Variants in CSMD1 observed in about 807,000 individuals in gnomAD.
The protein encoded by CSMD1 is CUB and sushi domain-containing protein 1.
CSMD1 carries 213 observed loss-of-function variants against 417.5 expected under a neutral mutation model. The observed-to-expected ratio is 0.51, with a 90% CI of 0.46 to 0.57. CSMD1 has a LOEUF of 0.57. Ranked by LOEUF, CSMD1 falls within the 20% of genes least tolerant of loss-of-function variation. CSMD1 has a pLI of 0.00. For synonymous variants in CSMD1, 2,862 were observed against 1,736.8 expected, an observed-to-expected ratio of 1.65 and a Z score of -16.11; for missense variants, 6,923 against 4,529.7, an observed-to-expected ratio of 1.53 and a Z score of -15.17.
At chr8:4,149,742 C>T (rs1796468163) in intron 3 of CSMD1, among the ~76,000 whole-genome samples, 2 of 152,198 alleles carry the variant, frequency 1.3e-5, no homozygotes, top group Admixed American at 1.3e-4. Flanking sequence ...ACCTCAACTC[C>T]AAGCATCCAG....
intron 12 of CSMD1, among the ~76,000 whole-genome samples, chr8:3,439,494 T>C: frequency 4.4e-5 from 1 of 22,806 alleles, no homozygotes; most frequent in Non-Finnish European, 9.1e-5. Context: ...TGTGTGTATC[T>C]GTGTGTGTGT....
chr8:3,624,460 C>A (rs891754415), intron 7 of CSMD1, among the ~76,000 whole-genome samples: 1 of 152,182 alleles, frequency 6.6e-6, no homozygotes. Flanking sequence ...CACTTTTTAG[C>A]ACGAAGGCAC....
chr8:2,975,724 C>A (rs1454105473), intron 55 of CSMD1, among the ~76,000 whole-genome samples: 1 of 152,132 alleles, frequency 6.6e-6, no homozygotes, highest in East Asian at 1.9e-4. Flanking sequence ...GAAACAATAT[C>A]ACAGCAAAAT....
chr8:3,326,618 G>A (rs894045531), intron 23 of CSMD1, among the ~76,000 whole-genome samples: 7 of 152,326 alleles, frequency 4.6e-5, no homozygotes, highest in Admixed American at 4.6e-4. Context: ...GGAATTGTAT[G>A]TTTGCATTCC....
At chr8:4,077,421 T>C (rs1563093059) in intron 3 of CSMD1, among the ~76,000 whole-genome samples, 1 of 151,562 alleles carries the variant, frequency 6.6e-6, no homozygotes, top group South Asian at 2.1e-4. Flanking sequence ...ATAATTTTTA[T>C]ATGCAATAAT....
intron 12 of CSMD1, among the ~76,000 whole-genome samples, chr8:3,458,376 C>G (rs1393158443): frequency 6.6e-6 from 1 of 152,044 alleles, no homozygotes; most frequent in Non-Finnish European, 1.5e-5. Context: ...TTCATTCATG[C>G]AATATAACTC....
chr8:4,743,750 A>G (rs1001345414), intron 1 of CSMD1, among the ~76,000 whole-genome samples: 3 of 152,204 alleles, frequency 2.0e-5, no homozygotes, highest in Non-Finnish European at 4.4e-5. Flanking sequence ...AATTTTAGGT[A>G]CAGACCTTGA....
intron 52 of CSMD1, among the ~76,000 whole-genome samples, chr8:3,003,350 T>G (rs1807582032): frequency 6.6e-6 from 1 of 152,078 alleles, no homozygotes; most frequent in East Asian, 1.9e-4. Flanking sequence ...ATATCTCTGA[T>G]GTAGTCTTGG....
intron 1 of CSMD1, among the ~76,000 whole-genome samples, chr8:4,952,691 T>A (rs924102212): frequency 6.6e-6 from 1 of 152,084 alleles, no homozygotes; most frequent in Non-Finnish European, 1.5e-5. Flanking sequence ...AAACATGGAA[T>A]ACATTAAAAT....
chr8:4,264,068 C>G (rs1804073279), intron 3 of CSMD1, among the ~76,000 whole-genome samples: 1 of 152,118 alleles, frequency 6.6e-6, no homozygotes, highest in Non-Finnish European at 1.5e-5. Context: ...TGAGCCTCAT[C>G]TATAAAATGA....
At chr8:4,076,671 C>T (rs1799837552) in intron 3 of CSMD1, among the ~76,000 whole-genome samples, 1 of 152,152 alleles carries the variant, frequency 6.6e-6, no homozygotes, top group South Asian at 2.1e-4. Flanking sequence ...ATGCATCGTG[C>T]TCCAAACAAA....
At chr8:2,941,652 GT>G in intron 69 of CSMD1, among the ~76,000 whole-genome samples, 1 of 152,228 alleles carries the variant, frequency 6.6e-6, no homozygotes, top group East Asian at 1.9e-4. Flanking sequence ...TTGTCCCCAA[GT>G]TTTGACATTT....
chr8:3,228,658 C>T (rs1034229229), intron 27 of CSMD1, among the ~76,000 whole-genome samples: 24 of 152,002 alleles, frequency 1.6e-4, no homozygotes, highest in African/African-American at 5.8e-4. Flanking sequence ...TAGGAGATGG[C>T]CAACTTTTAT....
At chr8:4,346,797 G>A (rs187214347) in intron 3 of CSMD1, among the ~76,000 whole-genome samples, 26 of 152,282 alleles carry the variant, frequency 1.7e-4, no homozygotes, top group Non-Finnish European at 3.2e-4. Context: ...GTAAGCTCTG[G>A]ATACAATGTC....
intron 3 of CSMD1, among the ~76,000 whole-genome samples, chr8:4,037,244 G>C (rs28687618): frequency 0.048 from 7,289 of 152,178 alleles, 606 homozygotes; most frequent in African/African-American, 0.16. Flanking sequence ...TATGACATAG[G>C]AACTTTACTT....
chr8:4,985,228 G>C (rs903874261), intron 1 of CSMD1, among the ~76,000 whole-genome samples: 2 of 152,114 alleles, frequency 1.3e-5, no homozygotes, highest in African/African-American at 4.8e-5. Flanking sequence ...TGGGTGGGAG[G>C]AGGGAGAGGA....
intron 33 of CSMD1, among the ~76,000 whole-genome samples, chr8:3,195,502 G>C (rs578028674): frequency 2.0e-5 from 3 of 152,228 alleles, no homozygotes; most frequent in African/African-American, 7.2e-5. Context: ...GAGTTACTAA[G>C]AAACAGTTTG....
Position 3,436,428 on chromosome 8 carries a change from G to T in CSMD1, c.1562-26823C>A, listed in dbSNP as rs541368702. 3.3e-5 allele frequency among the ~76,000 whole-genome samples: 5 copies of T among 152,250 alleles called. No individual in the cohort carries two copies. The East Asian group carries it at 9.7e-4, about 29-fold the overall frequency. ...TCTGTGAGAGCTGGTCTTTTGCCCA[G>T]TTGCTACTTACGTAATCCCAGCCCT... On this transcript the variant is annotated intron_variant, in intron 12 of 69. Coordinates refer to ENST00000635120, the MANE Select transcript of CSMD1 (RefSeq NM_033225.6).
chr8:3,123,905 G>C (rs963194440), intron 41 of CSMD1, among the ~76,000 whole-genome samples: 1 of 152,090 alleles, frequency 6.6e-6, no homozygotes, highest in African/African-American at 2.4e-5. Flanking sequence ...TAGTCTTTCG[G>C]GTGACTTAAG....
Sources: gnomAD v4.1 joint callset for allele counts (sites outside exome capture counted in the v4.1 genomes callset) on GRCh38, gnomAD v4.1.1 for gene constraint, MANE v1.5 for transcripts, NCBI Gene and HGNC (gene_info 2026-07-23, HGNC 2026-07-21) for gene names.